SOCS7: variants seen among roughly 807,000 people sequenced by gnomAD.
SOCS7 encodes the protein NAP-4.
In SOCS7, 18 loss-of-function variants were observed where a neutral mutation model predicts 58.9. That is an observed-to-expected ratio of 0.31 (90% CI 0.21 to 0.45). SOCS7 has a LOEUF of 0.45. Among genes scored for constraint, SOCS7 ranks in the 20% least tolerant of loss-of-function variants. The pLI is 1.00. For synonymous variants in SOCS7, 388 were observed against 364.3 expected (o/e 1.06, Z -0.74); for missense variants, 667 against 837.3 (o/e 0.80, Z 2.51).
chr17:38,371,051 TAGAG>T (rs1334226402), intron 6 of SOCS7, among the ~76,000 whole-genome samples: 2 of 152,200 alleles, frequency 1.3e-5, no homozygotes, highest in African/African-American at 4.8e-5. Context: ...TAAGAGTAGG[TAGAG>T]AGACTCAAAT....
At chr17:38,388,702 T>G (rs534707440) in intron 7 of SOCS7, among the ~76,000 whole-genome samples, 48 of 152,340 alleles carry the variant, frequency 3.2e-4, no homozygotes, top group African/African-American at 1.2e-3. Context: ...TGTTTTCCGT[T>G]TCTATGGATT....
chr17:38,382,560 A>G (rs926088241), intron 7 of SOCS7, among the ~76,000 whole-genome samples: 2 of 151,468 alleles, frequency 1.3e-5, no homozygotes, highest in African/African-American at 4.9e-5. Context: ...ATCTCGGCTC[A>G]CTGCAACCTC....
intron 6 of SOCS7, among the ~76,000 whole-genome samples, chr17:38,375,545 CAA>C (rs1357328074): frequency 1.3e-5 from 2 of 152,056 alleles, no homozygotes; most frequent in Non-Finnish European, 2.9e-5. Flanking sequence ...ATATCACATA[CAA>C]AATATATGTT....
chr17:38,404,153 C>A lies in SOCS7; in HGVS notation c.*4671C>A, dbSNP rs566649961. On this transcript the variant is annotated 3_prime_UTR_variant, in exon 10 of 10. Coordinates refer to ENST00000612932, the MANE Select transcript of SOCS7 (RefSeq NM_014598.4). ...GCCTTGATAAAATGGAGAGCAAAGT[C>A]TTGGGAGCAGTGAAATGGGGGTTGG... 91 of 152,244 alleles carry A rather than the reference C, an allele frequency of 6.0e-4. No homozygotes were observed. Among genetic ancestry groups the A allele is most frequent in the African/African-American group, 2.1e-3 (88 of 41,530 alleles). 9.4% of individuals were successfully genotyped at this position (152,244 alleles called of 1,614,324 possible).
At chr17:38,381,894 T>C (rs942041922) in intron 7 of SOCS7, among the ~76,000 whole-genome samples, 22 of 138,540 alleles carry the variant, frequency 1.6e-4, no homozygotes, top group African/African-American at 6.1e-4. Context: ...AGCCCCAGAA[T>C]TGGAGATTGC....
At chr17:38,398,178 G>T (rs1397959862) in intron 9 of SOCS7, among the ~76,000 whole-genome samples, 1 of 151,830 alleles carries the variant, frequency 6.6e-6, no homozygotes, top group African/African-American at 2.4e-5. Context: ...TGCTGAACTT[G>T]CTCCTGGTGT....
In SOCS7 at chr17:38,364,769, G is replaced by A. The variant is rs1341967219; in HGVS notation, c.1063G>A (p.Val355Met). The A allele has an allele frequency of 1.2e-6, 2 of 1,613,894 alleles. No homozygotes were observed. The highest frequency in any genetic ancestry group is 1.3e-5 in the African/African-American group (1 of 74,882). The change falls in exon 3 of 10, where the codon GTG (valine) becomes ATG (methionine). Residue 355 changes from valine (V) to methionine (M), a missense_variant. Around this residue, in one of 9 missense-constraint regions of SOCS7, gnomAD observed 99 missense variants for 122.9 expected, o/e 0.81. Transcript: ENST00000612932. ...PLFTGETVSL[V>M]DVDISQRGLT... is the part of the protein sequence containing the mutation. ...TCCCTCAGGTGAAACTGTGTCGCTT[G>A]TGGATGTGGACATTTCTCAGCGGGG... is the stretch of plus-strand genomic sequence containing the variant.
chr17:38,383,051 G>T (rs1437335922), intron 7 of SOCS7, among the ~76,000 whole-genome samples: 1 of 151,916 alleles, frequency 6.6e-6, no homozygotes, highest in Non-Finnish European at 1.5e-5. Context: ...ATGTCCCTGG[G>T]GGCCAAAATC....
intron 1 of SOCS7, among the ~76,000 whole-genome samples, chr17:38,361,429 A>T (rs2037717999): frequency 6.6e-6 from 1 of 152,162 alleles, no homozygotes; most frequent in Admixed American, 6.5e-5. Context: ...GCTAATTACC[A>T]CTCAAGGTGT....
At chr17:38,398,977 C>T (rs2038281385) in intron 9 of SOCS7, among the ~76,000 whole-genome samples, 1 of 151,670 alleles carries the variant, frequency 6.6e-6, no homozygotes, top group African/African-American at 2.4e-5. Context: ...GTAATCCCAG[C>T]TACTTGGGAG....
intron 4 of SOCS7, chr17:38,366,047 T>C: frequency 7.6e-7 from 1 of 1,309,288 alleles, no homozygotes; most frequent in Non-Finnish European, 9.8e-7. Context: ...AGTGAGCAGC[T>C]CCCCTCCCCC....
rs1016801926 is a variant in SOCS7, at chr17:38,352,400, G to A, written c.348G>A (p.Pro116=). The stretch of plus-strand genomic sequence containing the variant: ...TGGCGCTCGAGCGGACCTGGGGCCC[G>A]GCGGCTGGACTAGAGGCGCAGTTGG... ...PGLALERTWG[P]AAGLEAQLAA... is the part of the protein sequence containing the mutation. Residue 116 remains proline (P), a synonymous_variant, in exon 1 of 10, where the codon CCG becomes CCA. Transcript: ENST00000612932. This position sits in a 1 kb window ranked among gnomAD's most constrained non-coding sequence, Gnocchi z 5.5. 3.5e-6 allele frequency: 5 copies of A among 1,438,428 alleles called. No individual in the cohort carries two copies. Among genetic ancestry groups the A allele is most frequent in the Admixed American group, 6.0e-5 (2 of 33,580 alleles). The allele number at this position is 1,438,428 out of a possible 1,614,324, so 89.1% of individuals were successfully genotyped here.
chr17:38,380,722 G>A (rs2037990765), intron 7 of SOCS7, among the ~76,000 whole-genome samples: 1 of 151,956 alleles, frequency 6.6e-6, no homozygotes, highest in Non-Finnish European at 1.5e-5. Context: ...AGCCAGGCAT[G>A]GTGGCGGGCA....
intron 6 of SOCS7, among the ~76,000 whole-genome samples, chr17:38,374,783 A>G (rs566236052): frequency 6.6e-6 from 1 of 152,348 alleles, no homozygotes; most frequent in African/African-American, 2.4e-5. Flanking sequence ...ATGACGAGGA[A>G]GAAGACGTAG....
chr17:38,375,563 A>G (rs2037920425), intron 6 of SOCS7, among the ~76,000 whole-genome samples: 1 of 152,104 alleles, frequency 6.6e-6, no homozygotes, highest in South Asian at 2.1e-4. Flanking sequence ...ATGTTAACCG[A>G]CTGTTTATAT....
At chr17:38,370,034 G>A (rs971941128) in intron 6 of SOCS7, among the ~76,000 whole-genome samples, 1 of 151,746 alleles carries the variant, frequency 6.6e-6, no homozygotes, top group Non-Finnish European at 1.5e-5. Context: ...CTCGTGATTC[G>A]CCCGCCTTGG....
intron 7 of SOCS7, among the ~76,000 whole-genome samples, chr17:38,378,144 A>G (rs1230493948): frequency 2.6e-5 from 4 of 152,188 alleles, no homozygotes; most frequent in African/African-American, 9.7e-5. Flanking sequence ...GCATCTCAAC[A>G]TTTATAAGTG....
At position 38,365,490 on chromosome 17, in the gene SOCS7, C is replaced by G. The variant is rs945625242; in HGVS notation, c.1252+81C>G. On this transcript the variant is annotated intron_variant, in intron 4 of 9. Coordinates refer to ENST00000612932, the MANE Select transcript of SOCS7 (RefSeq NM_014598.4). ...TCTACCATAGAAGGATGGGAGAAAT[C>G]TATTTATGGAAATAACAGCTTAGTA... 38 of 879,446 alleles carry G rather than the reference C, an allele frequency of 4.3e-5. No individual in the cohort carries two copies. The Middle Eastern group carries it at 1.4e-3, about 32-fold the overall frequency. The allele number at this position is 879,446 out of a possible 1,614,324, so 54.5% of individuals were successfully genotyped here.
chr17:38,381,681 A>G (rs2038001874), intron 7 of SOCS7, among the ~76,000 whole-genome samples: 2 of 152,082 alleles, frequency 1.3e-5, no homozygotes, highest in South Asian at 4.1e-4. Flanking sequence ...GACTGGTATC[A>G]GGCTTGGCGC....
Sources: gnomAD v4.1 joint callset for allele counts (sites outside exome capture counted in the v4.1 genomes callset) on GRCh38, gnomAD v4.1.1 for gene constraint, gnomAD v4.1.1 regional missense constraint, Gnocchi (gnomAD v3.1) non-coding constraint, MANE v1.5 for transcripts, NCBI Gene and HGNC (gene_info 2026-07-23, HGNC 2026-07-21) for gene names.